The following MPRIP variants were observed in gnomAD, a reference collection of about 807,000 sequenced individuals.
MPRIP encodes the protein myosin phosphatase Rho interacting protein, also known as myosin phosphatase Rho-interacting protein.
A neutral mutation model predicts 234.9 loss-of-function variants in MPRIP; 59 were observed. That is an observed-to-expected ratio of 0.25 (90% CI 0.20 to 0.31). The LOEUF (loss-of-function observed/expected upper bound fraction) is 0.31, where lower values mean the gene tolerates loss of function less well. Ranked by LOEUF, MPRIP falls within the 10% of genes least tolerant of loss-of-function variation. MPRIP has a pLI of 1.00. For missense variants in MPRIP, 2,436 were observed against 3,071.0 expected (o/e 0.79, Z 4.89); for synonymous variants, 1,144 against 1,263.9 (o/e 0.91, Z 2.01).
At chr17:17,073,264 C>G (rs1370783177) in intron 1 of MPRIP, among the ~76,000 whole-genome samples, 1 of 152,180 alleles carries the variant, frequency 6.6e-6, no homozygotes, top group Non-Finnish European at 1.5e-5. Flanking sequence ...CTGCATCAGT[C>G]CCCTCTGTGG....
chr17:17,057,202 C>T (rs1301502698), intron 1 of MPRIP, among the ~76,000 whole-genome samples: 1 of 152,212 alleles, frequency 6.6e-6, no homozygotes, highest in African/African-American at 2.4e-5. Context: ...ATAAGGCCTG[C>T]CCAGAGCCTG....
chr17:17,178,541 A>C (rs2046305666), intron 22 of MPRIP: 1 of 151,712 alleles, frequency 6.6e-6, no homozygotes, highest in Non-Finnish European at 1.5e-5. Flanking sequence ...TGGCATCAAT[A>C]TGGTGACCTC....
intron 1 of MPRIP, among the ~76,000 whole-genome samples, chr17:17,053,619 C>T (rs951789560): frequency 1.6e-4 from 25 of 152,122 alleles, no homozygotes; most frequent in African/African-American, 5.3e-4. Flanking sequence ...AGGGGCAGTG[C>T]GGGGAGCACC....
At chr17:17,113,688 C>A (rs376643414) in intron 3 of MPRIP, among the ~76,000 whole-genome samples, 1 of 152,198 alleles carries the variant, frequency 6.6e-6, no homozygotes, top group South Asian at 2.1e-4. Flanking sequence ...GATGAAACAG[C>A]AAATCTATAA....
At chr17:17,081,639 G>A (rs8076709) in intron 3 of MPRIP, among the ~76,000 whole-genome samples, 2,678 of 152,324 alleles carry the variant, frequency 0.018, 91 homozygotes, top group African/African-American at 0.061. Flanking sequence ...GAGGAAGGCA[G>A]CAGCAGTCCC....
intron 13 of MPRIP, among the ~76,000 whole-genome samples, chr17:17,157,623 G>A (rs775089596): frequency 6.6e-6 from 1 of 152,204 alleles, no homozygotes; most frequent in Non-Finnish European, 1.5e-5. Flanking sequence ...GAGGTCAGGA[G>A]TTTGAGACCA....
At chr17:17,131,761 G>A in intron 5 of MPRIP, 60 bp downstream of exon 5, 3 of 1,489,368 alleles carry the variant, frequency 2.0e-6, no homozygotes, top group Non-Finnish European at 2.8e-6. Flanking sequence ...GGGAAGAAGT[G>A]AGGGCTCCCT....
Position 17,042,468 on chromosome 17 carries a change from G to C in MPRIP, c.-381G>C, listed in dbSNP as rs2088199753. ...GCCCGCCCGCCCCCGTAGTGCGTGA[G>C]GCGCTCCGGTCCCATTTGCAGCGGC... is the stretch of plus-strand genomic sequence containing the variant. On this transcript the variant is annotated 5_prime_UTR_variant, in exon 1 of 24. Coordinates refer to ENST00000651222, the MANE Select transcript of MPRIP (RefSeq NM_001364716.4). 6.8e-6 allele frequency: 1 copy of C among 146,022 alleles called. No homozygotes were observed. The highest frequency in any genetic ancestry group is 1.5e-5 in the Non-Finnish European group (1 of 65,736). 9.0% of individuals were successfully genotyped at this position (146,022 alleles called of 1,614,324 possible).
intron 1 of MPRIP, among the ~76,000 whole-genome samples, chr17:17,056,096 C>T (rs1242011486): frequency 2.0e-5 from 3 of 152,198 alleles, no homozygotes; most frequent in Non-Finnish European, 2.9e-5. Flanking sequence ...TGTGTGTGGC[C>T]CCCTTGGCCC....
chr17:17,123,703 CAAAAAAAAAAAAAAAA>C (rs371753802), intron 3 of MPRIP, among the ~76,000 whole-genome samples: 1 of 59,296 alleles, frequency 1.7e-5, no homozygotes, highest in African/African-American at 5.3e-5. Context: ...GACTTCGTCT[CAAAAAAAAAAAAAAAA>C]AAAAAGAAAG....
intron 19 of MPRIP, 80 bp from the exon 20 acceptor site, chr17:17,175,213 G>A: frequency 1.2e-6 from 2 of 1,603,402 alleles, no homozygotes; most frequent in Non-Finnish European, 1.7e-6. Flanking sequence ...AGAACCTAGG[G>A]AAATGGCCTT....
rs1360771674 is a variant in MPRIP at position 17,135,384 on chromosome 17, TGA to T, written c.505-829_505-828del. Among the ~76,000 whole-genome samples, 19 of 152,276 alleles carry T rather than the reference TGA, an allele frequency of 1.2e-4. 1 individual carries two copies. The highest frequency in any genetic ancestry group is 3.9e-4 in the East Asian group (2 of 5,180). ...AGCTTTGTGTGTGAGCTTGTGAGTGTGAGAGAGCAAGCATGTGCACATGAATG... is the reference window on the plus strand; with the variant it reads ...AGCTTTGTGTGTGAGCTTGTGAGTGTGAGAGCAAGCATGTGCACATGAATG... On this transcript the variant is annotated intron_variant, in intron 5 of 23. Coordinates refer to ENST00000651222, the MANE Select transcript of MPRIP (RefSeq NM_001364716.4).
At chr17:17,108,472 C>A (rs1038304244) in intron 3 of MPRIP, among the ~76,000 whole-genome samples, 1 of 152,242 alleles carries the variant, frequency 6.6e-6, no homozygotes, top group Non-Finnish European at 1.5e-5. Context: ...AATTCCTATG[C>A]CTCAGCCCTA....
intron 12 of MPRIP, among the ~76,000 whole-genome samples, chr17:17,150,667 A>G (rs1001399518): frequency 2.0e-5 from 3 of 149,588 alleles, no homozygotes; most frequent in African/African-American, 5.0e-5. Context: ...CTTGTGAGGT[A>G]CTCAGATGAG....
At chr17:17,050,829 G>T (rs528493737) in intron 1 of MPRIP, among the ~76,000 whole-genome samples, 2 of 152,190 alleles carry the variant, frequency 1.3e-5, no homozygotes, top group Non-Finnish European at 2.9e-5. Context: ...GTGGGGAGCC[G>T]GTGAGGGCCG....
In MPRIP at chr17:17,166,770, G is replaced by A. The variant is rs770073229; in HGVS notation, c.5179G>A (p.Val1727Ile). Residue 1727 changes from valine (V) to isoleucine (I), a missense_variant, in exon 16 of 24, where the codon GTC becomes ATC. By Grantham distance (29) the Val-to-Ile change is conservative (BLOSUM62 3). Coordinates refer to ENST00000651222, the MANE Select transcript of MPRIP (RefSeq NM_001364716.4). The surrounding 1 kb of genome is among the most constrained non-coding windows in gnomAD (Gnocchi z 4.4). ...TPDFERVMQQ[V>I]LEALRLPAGH... ...AGACTTTGAAAGAGTGATGCAGCAG[G>A]TCTTGGAAGCCCTCAGGCTTCCAGC... The A allele has an allele frequency of 9.2e-6, 12 of 1,304,106 alleles. No homozygotes were observed. Among genetic ancestry groups the A allele is most frequent in the African/African-American group, 6.1e-5 (4 of 65,872 alleles). The allele number at this position is 1,304,106 out of a possible 1,614,324, so 80.8% of individuals were successfully genotyped here.
At position 17,167,264 on chromosome 17, in the gene MPRIP, T is replaced by C. The variant is rs1264906366; in HGVS notation, c.5673T>C (p.Tyr1891=). The C allele has an allele frequency of 7.7e-7, 1 of 1,303,740 alleles. No homozygotes were observed. Among genetic ancestry groups the C allele is most frequent in the Admixed American group, 2.3e-5 (1 of 43,536 alleles). The allele number at this position is 1,303,740 out of a possible 1,614,324, so 80.8% of individuals were successfully genotyped here. The stretch of plus-strand genomic sequence containing the variant: ...CAGCCCGGGCCCTGAGGGAGGAGTA[T>C]GAGGAGCTTCTCCGCAAGCAGAAGA... The part of the protein sequence containing the change: ...AQAARALREE[Y]EELLRKQKSE... Residue 1891 remains tyrosine, a synonymous_variant, in exon 16 of 24, where the codon TAT becomes TAC. Transcript: ENST00000651222. The surrounding 1 kb of genome is among the most constrained non-coding windows in gnomAD (Gnocchi z 5.9).
In MPRIP at chr17:17,165,652, G is replaced by A. The variant is rs975761244; in HGVS notation, c.4061G>A (p.Arg1354Gln). 55 of 1,304,918 alleles carry A rather than the reference G, an allele frequency of 4.2e-5. 1 individual carries two copies. Among genetic ancestry groups the A allele is most frequent in the South Asian group, 8.6e-5 (7 of 81,034 alleles). 80.8% of individuals were successfully genotyped at this position (1,304,918 alleles called of 1,614,324 possible). Residue 1354 changes from arginine (R) to glutamine (Q), a missense_variant, in exon 16 of 24, where the codon CGG becomes CAG. By Grantham distance (43) the Arg-to-Gln change is conservative (BLOSUM62 1). Coordinates refer to ENST00000651222, the MANE Select transcript of MPRIP (RefSeq NM_001364716.4). ...SSTSSDTSQD[R>Q]SPSEESMSSE... Reference sequence around the variant, plus strand: ...ACATCTTCCGACACCAGCCAGGACCGGTCACCCTCGGAAGAAAGCATGTCC... The same window carrying A: ...ACATCTTCCGACACCAGCCAGGACCAGTCACCCTCGGAAGAAAGCATGTCC...
rs978713960 is a variant in MPRIP, at chr17:17,165,145, A to G, written c.3554A>G (p.Glu1185Gly). The G allele has an allele frequency of 4.6e-6, 6 of 1,304,146 alleles. No individual in the cohort carries two copies. In the African/African-American group the frequency reaches 6.1e-5, roughly 13 times the overall value. 80.8% of individuals were successfully genotyped at this position (1,304,146 alleles called of 1,614,324 possible). The change falls in exon 16 of 24, where the codon GAG (glutamate) becomes GGG (glycine). Residue 1185 changes from glutamate to glycine, a missense_variant. By Grantham distance (98) the Glu-to-Gly change is moderately conservative (BLOSUM62 -2). Transcript: ENST00000651222. ...EAHEKVLEKK[E>G]QDLNEALVKM... The stretch of plus-strand genomic sequence containing the variant: ...CATGAGAAGGTTCTGGAGAAGAAGG[A>G]GCAGGACCTCAATGAGGCTTTGGTT...
Sources: gnomAD v4.1 joint callset for allele counts (sites outside exome capture counted in the v4.1 genomes callset) on GRCh38, gnomAD v4.1.1 for gene constraint, Gnocchi (gnomAD v3.1) non-coding constraint, MANE v1.5 for transcripts, NCBI Gene and HGNC (gene_info 2026-07-23, HGNC 2026-07-21) for gene names.